Variants in DOCK8 observed in about 807,000 individuals in gnomAD.
DOCK8 encodes dedicator of cytokinesis protein 8.
A neutral mutation model predicts 245.6 loss-of-function variants in DOCK8; 141 were observed. The ratio of observed to expected loss-of-function variants is 0.57; its 90% CI spans 0.50 to 0.66. The LOEUF (loss-of-function observed/expected upper bound fraction) is 0.66. Ranked by LOEUF, DOCK8 falls within the 30% of genes least tolerant of loss-of-function variation. DOCK8 has a pLI of 0.00. For missense variants in DOCK8, 2,965 were observed against 2,603.4 expected (o/e 1.14, Z -3.02); for synonymous variants, 1,168 against 970.2 (o/e 1.20, Z -3.79).
At chr9:288,489 A>G (rs989114082) in intron 3 of DOCK8, among the ~76,000 whole-genome samples, 1 of 152,232 alleles carries the variant, frequency 6.6e-6, no homozygotes, top group African/African-American at 2.4e-5. Flanking sequence ...AATTAACTGA[A>G]TTAATACATA....
At chr9:219,625 G>C (rs546286877) in intron 1 of DOCK8, among the ~76,000 whole-genome samples, 78 of 152,230 alleles carry the variant, frequency 5.1e-4, no homozygotes, top group African/African-American at 1.9e-3. Context: ...GGCTGGGCAT[G>C]GTGGCTCACA....
At chr9:399,570 G>C (rs1301490324) in intron 26 of DOCK8, among the ~76,000 whole-genome samples, 1 of 152,146 alleles carries the variant, frequency 6.6e-6, no homozygotes, top group Admixed American at 6.5e-5. Flanking sequence ...TGGCTATACA[G>C]TGCTTTCAGT....
chr9:281,124 C>T (rs2130169846), intron 2 of DOCK8, among the ~76,000 whole-genome samples: 1 of 152,136 alleles, frequency 6.6e-6, no homozygotes, highest in East Asian at 1.9e-4. Flanking sequence ...CGTGGTGGCG[C>T]ATGCCTGTAA....
intron 2 of DOCK8, among the ~76,000 whole-genome samples, chr9:277,871 T>C (rs1292404532): frequency 1.3e-5 from 2 of 152,246 alleles, no homozygotes; most frequent in Non-Finnish European, 2.9e-5. Context: ...AAGGCATTTA[T>C]TTTTGTTATG....
In DOCK8 at chr9:400,197, CATCACCACCACCTCCACT is replaced by C. The variant is rs1347393611; in HGVS notation, c.3234+956_3234+973del. 1.3e-3 allele frequency among the ~76,000 whole-genome samples: 151 copies of C among 118,734 alleles called. 3 individuals are homozygous for C. The highest frequency in any genetic ancestry group is 2.1e-3 in the Non-Finnish European group (115 of 55,098). The allele number at this position is 118,734 out of a possible 152,430, so 77.9% of individuals were successfully genotyped here. The stretch of plus-strand genomic sequence containing the variant: ...CCATCACCACCTCCTTCACCATCAC[CATCACCACCACCTCCACT>C]ATCACCACCACCTCCACCATCACCA... On this transcript the variant is annotated intron_variant, in intron 26 of 47. Transcript: ENST00000432829.
rs755881130 is a variant in DOCK8 at position 382,561 on chromosome 9, G to A, written c.2654G>A (p.Arg885His). The A allele has an allele frequency of 1.6e-5, 26 of 1,613,934 alleles. No individual in the cohort carries two copies. The highest frequency in any genetic ancestry group is 3.3e-5 in the Admixed American group (2 of 59,996). The change falls in exon 22 of 48, where the codon CGC (arginine) becomes CAC (histidine). Residue 885 changes from arginine to histidine, a missense_variant. Arg to His is a conservative substitution (Grantham distance 29). This residue lies in a region of DOCK8 where 2,825 missense variants were observed against 2,453.5 expected (regional missense o/e 1.15). Transcript: ENST00000432829. The part of the protein sequence containing the change: ...LDPRSYHTYG[R>H]TSAAAVSSKL... ...CCTCGGAGCTACCACACGTATGGCC[G>A]CACATCAGCTGCTGCTGTGAGTTCA...
intron 46 of DOCK8, among the ~76,000 whole-genome samples, chr9:457,780 G>A (rs113115539): frequency 3.9e-5 from 6 of 152,196 alleles, no homozygotes; most frequent in Admixed American, 1.3e-4. Flanking sequence ...GGTCTGTCAG[G>A]CATAATAACG....
chr9:463,474 TTCAAAG>T (rs777995294), intron 46 of DOCK8, 37 bp from the exon 47 acceptor site: 1 of 1,612,206 alleles, frequency 6.2e-7, no homozygotes, highest in South Asian at 1.1e-5. Flanking sequence ...TTCTAAGCAC[TTCAAAG>T]TCATTTATTT....
chr9:258,922 C>T (rs1452290837), intron 1 of DOCK8, among the ~76,000 whole-genome samples: 1 of 151,100 alleles, frequency 6.6e-6, no homozygotes, highest in Non-Finnish European at 1.5e-5. Context: ...AAGATACTTT[C>T]ATAATAGTTT....
intron 1 of DOCK8, among the ~76,000 whole-genome samples, chr9:247,976 C>T (rs2131446003): frequency 1.6e-5 from 1 of 61,788 alleles, no homozygotes; most frequent in East Asian, 4.8e-4. Context: ...CTGATCTTCT[C>T]TAAGTTAAAA....
rs368429378 is a variant in DOCK8, at chr9:231,561, T to A, written c.53+16532T>A. Among the ~76,000 whole-genome samples the A allele has an allele frequency of 2.5e-3, 384 of 152,294 alleles. 6 individuals carry two copies. The South Asian group carries it at 0.031, about 12-fold the overall frequency. ...TGGAATGTTCTTCCATTTGTTTGTA[T>A]CCTCTTTTATTTCATTGAGCAGTGG... On this transcript the variant is annotated intron_variant, in intron 1 of 47. Coordinates refer to ENST00000432829, the MANE Select transcript of DOCK8 (RefSeq NM_203447.4).
intron 4 of DOCK8, among the ~76,000 whole-genome samples, chr9:298,204 C>T (rs1411437500): frequency 6.6e-6 from 1 of 152,148 alleles, no homozygotes; most frequent in African/African-American, 2.4e-5. Flanking sequence ...GCGGGTGGAT[C>T]ACCTGAGGTC....
At chr9:263,365 A>G (rs1276542396) in intron 1 of DOCK8, among the ~76,000 whole-genome samples, 1 of 152,062 alleles carries the variant, frequency 6.6e-6, no homozygotes, top group Non-Finnish European at 1.5e-5. Context: ...TACTTTTACC[A>G]TTTCCCAGAT....
At chr9:215,207 C>T (rs370760003) in intron 1 of DOCK8, 178 bp downstream of exon 1, 1 of 1,525,296 alleles carries the variant, frequency 6.6e-7, no homozygotes, top group Non-Finnish European at 8.8e-7. Context: ...GGACGCGCGG[C>T]GGCTCCTGCG....
At chr9:403,981 T>TAC (rs2055292318) in intron 26 of DOCK8, among the ~76,000 whole-genome samples, 1 of 91,970 alleles carries the variant, frequency 1.1e-5, no homozygotes, top group African/African-American at 5.6e-5. Context: ...TATATGTGTA[T>TAC]ATATATATAT....
chr9:312,292 G>T (rs533948138), intron 6 of DOCK8, 126 bp downstream of exon 6: 3 of 1,190,616 alleles, frequency 2.5e-6, no homozygotes. Context: ...ATGATTTCTG[G>T]GGCCTCGTTT....
chr9:220,208 C>T (rs778499524), intron 1 of DOCK8, among the ~76,000 whole-genome samples: 8 of 152,146 alleles, frequency 5.3e-5, no homozygotes, highest in Admixed American at 2.0e-4. Context: ...CATTTAGAAT[C>T]GGTTCCTTCC....
chr9:283,147 G>C (rs1366146413), intron 2 of DOCK8, among the ~76,000 whole-genome samples: 1 of 152,192 alleles, frequency 6.6e-6, no homozygotes, highest in Non-Finnish European at 1.5e-5. Context: ...ATGTGAGTCT[G>C]CCTTGGTTTG....
intron 14 of DOCK8, among the ~76,000 whole-genome samples, chr9:353,471 T>C (rs997224370): frequency 2.0e-5 from 3 of 152,352 alleles, no homozygotes; most frequent in East Asian, 3.9e-4. Context: ...ATAAAGGATC[T>C]ACCCCAAATA....
Sources: allele counts gnomAD v4.1 joint callset (sites outside exome capture counted in the v4.1 genomes callset), GRCh38; gene constraint gnomAD v4.1.1; regional missense constraint gnomAD v4.1.1; transcripts MANE v1.5; gene names NCBI Gene and HGNC (gene_info 2026-07-23, HGNC 2026-07-21).